The following VAT1L variants were observed in gnomAD, a reference collection of about 807,000 sequenced individuals.
The protein encoded by VAT1L is putative NADPH-dependent quinone oxidoreductase VAT1L.
A neutral mutation model predicts 44.1 loss-of-function variants in VAT1L; 34 were observed. The ratio of observed to expected loss-of-function variants is 0.77; its 90% CI spans 0.59 to 1.03. The LOEUF is 1.03. VAT1L is among the 50% of genes least tolerant of loss of function. VAT1L has a pLI of 0.00. For missense variants in VAT1L, 615 were observed against 538.8 expected (o/e 1.14, Z -1.40); for synonymous variants, 253 against 202.2 (o/e 1.25, Z -2.13).
chr16:77,939,378 G>C (rs993542177), intron 7 of VAT1L, among the ~76,000 whole-genome samples: 5 of 152,158 alleles, frequency 3.3e-5, no homozygotes, highest in Admixed American at 3.3e-4. Flanking sequence ...TCAAACCAGT[G>C]GGGGGCCGGA....
intron 7 of VAT1L, among the ~76,000 whole-genome samples, chr16:77,930,293 G>C (rs550969360): frequency 1.3e-5 from 2 of 152,292 alleles, no homozygotes; most frequent in East Asian, 3.9e-4. Context: ...AAGCCACTAG[G>C]TCTCTCCCAT....
chr16:77,911,956 C>T (rs2017504129), intron 7 of VAT1L, among the ~76,000 whole-genome samples: 1 of 152,186 alleles, frequency 6.6e-6, no homozygotes, highest in African/African-American at 2.4e-5. Flanking sequence ...TTTATGTCCA[C>T]TGAATATTTA....
intron 7 of VAT1L, among the ~76,000 whole-genome samples, chr16:77,896,991 A>C (rs937565485): frequency 4.6e-5 from 7 of 152,164 alleles, no homozygotes; most frequent in African/African-American, 1.4e-4. Flanking sequence ...TTTGCCTTTG[A>C]GGTTGATGGA....
intron 3 of VAT1L, among the ~76,000 whole-genome samples, chr16:77,849,188 A>G (rs1318625712): frequency 6.6e-6 from 1 of 152,218 alleles, no homozygotes; most frequent in Non-Finnish European, 1.5e-5. Context: ...TTAAAGTATA[A>G]TAACAAAAAA....
chr16:77,863,298 T>C (rs1468021348), intron 4 of VAT1L, among the ~76,000 whole-genome samples: 1 of 152,254 alleles, frequency 6.6e-6, no homozygotes, highest in Non-Finnish European at 1.5e-5. Context: ...CCTTTGCTTC[T>C]AGCCAACAGA....
At chr16:77,851,526 G>A (rs2016808661) in intron 3 of VAT1L, among the ~76,000 whole-genome samples, 1 of 152,074 alleles carries the variant, frequency 6.6e-6, no homozygotes, top group Non-Finnish European at 1.5e-5. Context: ...GGTGGCAAGT[G>A]CCTGTAGTTC....
intron 5 of VAT1L, among the ~76,000 whole-genome samples, chr16:77,878,746 G>T (rs1405500474): frequency 6.6e-6 from 1 of 151,918 alleles, no homozygotes; most frequent in Non-Finnish European, 1.5e-5. Flanking sequence ...CACCATTTAG[G>T]TACCCAGTCC....
intron 1 of VAT1L, among the ~76,000 whole-genome samples, chr16:77,797,546 G>A (rs2015960224): frequency 6.6e-6 from 1 of 152,106 alleles, no homozygotes. Flanking sequence ...GGATTTCTTT[G>A]CTAGCTGGGT....
rs560327309 is a variant in VAT1L, at chr16:77,852,791, G to A, written c.580-9957G>A. On this transcript the variant is annotated intron_variant, in intron 3 of 8. Coordinates refer to ENST00000302536, the MANE Select transcript of VAT1L (RefSeq NM_020927.3). ...ATAAGGCAGTGGTTAAATTGTGGAA[G>A]CTGGAGTCATACTACTTGGATTCAG... is the stretch of plus-strand genomic sequence containing the variant. Among the ~76,000 whole-genome samples, 52 of 152,304 alleles carry A rather than the reference G, an allele frequency of 3.4e-4. 1 individual carries two copies. In the South Asian group the frequency reaches 0.01, roughly 30 times the overall value.
chr16:77,843,460 A>T (rs1360169312), intron 3 of VAT1L, among the ~76,000 whole-genome samples: 1 of 152,216 alleles, frequency 6.6e-6, no homozygotes, highest in Non-Finnish European at 1.5e-5. Context: ...GGCAAACCTT[A>T]CTTCCCAGGA....
rs1382332613 is a variant in VAT1L, at chr16:77,978,983, T to C, written c.*1288T>C. On this transcript the variant is annotated 3_prime_UTR_variant, in exon 9 of 9. Transcript: ENST00000302536. ...TATCACTCACAAACAAATGTGGAGA[T>C]ACCAGGAGCTCATTTGATTCATACC... The C allele has an allele frequency of 2.0e-5, 3 of 152,222 alleles. No individual in the cohort carries two copies. The East Asian group carries it at 5.8e-4, about 29-fold the overall frequency. The allele number at this position is 152,222 out of a possible 1,614,324, so 9.4% of individuals were successfully genotyped here.
chr16:77,837,816 CT>C (rs1283195879), intron 3 of VAT1L, among the ~76,000 whole-genome samples: 6 of 152,106 alleles, frequency 3.9e-5, no homozygotes, highest in African/African-American at 1.4e-4. Flanking sequence ...AAAAGGGGGT[CT>C]TGTAATGGAC....
chr16:77,967,068 G>A (rs4888705), intron 7 of VAT1L, among the ~76,000 whole-genome samples: 22,766 of 151,992 alleles, frequency 0.15, 1,876 homozygotes, highest in East Asian at 0.24. Flanking sequence ...CACCCCCGCC[G>A]GGGTGCTTTC....
chr16:77,867,869 AAAG>A (rs1291683876), intron 4 of VAT1L, among the ~76,000 whole-genome samples: 1 of 151,692 alleles, frequency 6.6e-6, no homozygotes, highest in African/African-American at 2.4e-5. Flanking sequence ...AAAAAAAAAA[AAAG>A]AAAGAAAGAA....
chr16:77,926,874 T>C (rs1039869184), intron 7 of VAT1L, among the ~76,000 whole-genome samples: 3 of 152,134 alleles, frequency 2.0e-5, no homozygotes, highest in Admixed American at 6.5e-5. Context: ...AGAAAGAGAC[T>C]CTGGCTTCTT....
At chr16:77,808,642 C>G (rs2914447) in intron 1 of VAT1L, among the ~76,000 whole-genome samples, 1 of 151,806 alleles carries the variant, frequency 6.6e-6, no homozygotes, top group Admixed American at 6.6e-5. Flanking sequence ...GTTGCCCAGG[C>G]TGGAGTGCAA....
chr16:77,807,591 C>G (rs2016184850), intron 1 of VAT1L, among the ~76,000 whole-genome samples: 1 of 152,162 alleles, frequency 6.6e-6, no homozygotes, highest in Non-Finnish European at 1.5e-5. Flanking sequence ...CACTCCCTAT[C>G]AGACCTCTTG....
At chr16:77,945,079 C>T (rs74914372) in intron 7 of VAT1L, among the ~76,000 whole-genome samples, 1 of 152,062 alleles carries the variant, frequency 6.6e-6, no homozygotes, top group African/African-American at 2.4e-5. Context: ...TACAGATTAT[C>T]CAGCTTAAGT....
chr16:77,862,654 A>T, intron 3 of VAT1L, 94 bp from the exon 4 acceptor site: 12 of 964,176 alleles, frequency 1.2e-5, no homozygotes, highest in Non-Finnish European at 1.8e-5. Context: ...AAAAGTCAAT[A>T]GTGCCGATGG....
Sources: gnomAD v4.1 joint callset for allele counts (sites outside exome capture counted in the v4.1 genomes callset) on GRCh38, gnomAD v4.1.1 for gene constraint, MANE v1.5 for transcripts, NCBI Gene and HGNC (gene_info 2026-07-23, HGNC 2026-07-21) for gene names.